The following ACOT11 variants were observed in gnomAD, a reference collection of about 807,000 sequenced individuals.
ACOT11 encodes acyl-CoA thioesterase 11, also known as acyl-coenzyme A thioesterase 11.
A neutral mutation model predicts 77.5 loss-of-function variants in ACOT11; 69 were observed. The observed-to-expected ratio is 0.89, with a 90% CI of 0.73 to 1.09. The LOEUF (loss-of-function observed/expected upper bound fraction) is 1.09, where lower values mean the gene tolerates loss of function less well. ACOT11 is among the 50% of genes least tolerant of loss of function. The pLI, the probability that ACOT11 is intolerant of heterozygous loss-of-function variation, is 0.00. For missense variants in ACOT11, 766 were observed against 813.7 expected, an observed-to-expected ratio of 0.94 and a Z score of 0.71; for synonymous variants, 279 against 313.0, an observed-to-expected ratio of 0.89 and a Z score of 1.15.
downstream of ACOT11, chr1:54,612,618 T>G: frequency 6.2e-7 from 1 of 1,614,108 alleles, no homozygotes; most frequent in Non-Finnish European, 8.5e-7. Context: ...GGCTTGGGTG[T>G]ACGTCCTGTT....
chr1:54,604,640 C>A (rs1456523921), intron 12 of ACOT11, among the ~76,000 whole-genome samples: 1 of 152,150 alleles, frequency 6.6e-6, no homozygotes, highest in East Asian at 1.9e-4. Flanking sequence ...CCTGCCTGCC[C>A]CCCTTCCTGT....
downstream of ACOT11, chr1:54,610,599 A>G (rs2101013552): frequency 1.3e-6 from 2 of 1,594,852 alleles, no homozygotes; most frequent in Non-Finnish European, 1.7e-6. Flanking sequence ...TGCCATTCAC[A>G]GAACACCTTA....
intron 15 of ACOT11, among the ~76,000 whole-genome samples, chr1:54,628,805 A>C (rs1300921866): frequency 7.5e-6 from 1 of 133,264 alleles, no homozygotes; most frequent in African/African-American, 2.6e-5. Flanking sequence ...CATGCCTGTA[A>C]TCCCAACACT....
chr1:54,572,375 A>G (rs575255320), intron 1 of ACOT11, among the ~76,000 whole-genome samples: 2 of 152,184 alleles, frequency 1.3e-5, no homozygotes, highest in East Asian at 3.9e-4. Context: ...ACCTGTTGCC[A>G]TGGTGACCCA....
intron 9 of ACOT11, among the ~76,000 whole-genome samples, chr1:54,601,935 C>G (rs374199062): frequency 7.2e-5 from 11 of 152,352 alleles, no homozygotes; most frequent in Admixed American, 5.2e-4. Context: ...AAGGTCCTCT[C>G]TTACAAAATG....
At chr1:54,576,557 G>GT (rs1460569811) in intron 1 of ACOT11, among the ~76,000 whole-genome samples, 7 of 120,304 alleles carry the variant, frequency 5.8e-5, no homozygotes, top group Non-Finnish European at 1.5e-5. Flanking sequence ...AAACCTTGAG[G>GT]TTTTTTTAAT....
intron 1 of ACOT11, among the ~76,000 whole-genome samples, chr1:54,570,806 G>A (rs12091809): frequency 0.011 from 1,625 of 151,984 alleles, 23 homozygotes; most frequent in African/African-American, 0.037. Context: ...TCAGCCTACC[G>A]AGTAGCTGGG....
chr1:54,611,799 C>T (rs1569781954), downstream of ACOT11: 3 of 1,606,154 alleles, frequency 1.9e-6, no homozygotes, highest in African/African-American at 1.3e-5. Flanking sequence ...AGACCCTCAG[C>T]CCCACTCCTG....
chr1:54,572,660 G>T (rs1653965837), intron 1 of ACOT11, among the ~76,000 whole-genome samples: 1 of 152,254 alleles, frequency 6.6e-6, no homozygotes, highest in African/African-American at 2.4e-5. Context: ...CACTTTTGTG[G>T]TCTGCTGGAG....
intron 1 of ACOT11, among the ~76,000 whole-genome samples, chr1:54,555,062 G>C (rs1419464733): frequency 6.6e-6 from 1 of 152,138 alleles, no homozygotes; most frequent in Non-Finnish European, 1.5e-5. Flanking sequence ...GGGTTCAAGT[G>C]ATTCTCCTGC....
chr1:54,568,721 A>T (rs1653830146), intron 1 of ACOT11, among the ~76,000 whole-genome samples: 1 of 151,912 alleles, frequency 6.6e-6, no homozygotes, highest in South Asian at 2.1e-4. Flanking sequence ...ACTGAACTTC[A>T]TGGGAGTTTT....
Position 54,600,688 on chromosome 1 carries a change from A to G in ACOT11, c.885-581A>G, listed in dbSNP as rs138062264. Among the ~76,000 whole-genome samples, 441 of 152,318 alleles carry G rather than the reference A, an allele frequency of 2.9e-3. 4 individuals carry two copies. Among genetic ancestry groups the G allele is most frequent in the African/African-American group, 0.01 (430 of 41,560 alleles). ...ACAGAATGAGACTGTCTCAAAAAATAAATAAAGGAATAAAGAAATAAAGAC... is the reference window on the plus strand; with the variant it reads ...ACAGAATGAGACTGTCTCAAAAAATGAATAAAGGAATAAAGAAATAAAGAC... On this transcript the variant is annotated intron_variant, in intron 8 of 15. Transcript: ENST00000343744.
chr1:54,616,859 C>A (rs1644178634), intron 15 of ACOT11, among the ~76,000 whole-genome samples: 1 of 152,142 alleles, frequency 6.6e-6, no homozygotes, highest in Admixed American at 6.5e-5. Context: ...CATCCCCCAT[C>A]CCTGAGATGC....
intron 8 of ACOT11, 126 bp from the exon 9 acceptor site, chr1:54,601,143 G>A (rs1229603293): frequency 3.9e-5 from 43 of 1,090,094 alleles, no homozygotes; most frequent in East Asian, 7.3e-5. Context: ...GTGCATACGT[G>A]TGTGTGTGTG....
At chr1:54,610,390 G>A (rs746927156), downstream of ACOT11, 33 of 1,609,032 alleles carry the variant, frequency 2.1e-5, no homozygotes, top group Admixed American at 3.4e-5. Context: ...TGGGAGCACC[G>A]GGGCTGAAGG....
intron 15 of ACOT11, among the ~76,000 whole-genome samples, chr1:54,621,139 T>C (rs957926569): frequency 6.8e-6 from 1 of 146,226 alleles, no homozygotes; most frequent in Non-Finnish European, 1.5e-5. Context: ...CCATCCTGGG[T>C]GACACAGTGA....
chr1:54,609,097 C>G lies in ACOT11; in HGVS notation c.1770C>G (p.Ser590Arg). ...ACAACCGGAATGATCTGGCCCCCAGCCTCCAGACCCTCTAGATGCCCTCAG... is the reference window on the plus strand; with the variant it reads ...ACAACCGGAATGATCTGGCCCCCAGGCTCCAGACCCTCTAGATGCCCTCAG... ...LLDNRNDLAP[S>R]LQTL is the part of the protein sequence containing the mutation. Residue 590 changes from serine to arginine, a missense_variant, in exon 16 of 16, where the codon AGC (serine) becomes AGG (arginine). Ser to Arg is a moderately radical substitution (Grantham distance 110). Coordinates refer to ENST00000343744, the MANE Select transcript of ACOT11 (RefSeq NM_147161.4). 6.2e-7 allele frequency: 1 copy of G among 1,614,144 alleles called. No homozygotes were observed. The highest frequency in any genetic ancestry group is 8.5e-7 in the Non-Finnish European group (1 of 1,180,020).
intron 1 of ACOT11, among the ~76,000 whole-genome samples, chr1:54,553,235 G>T (rs1653134577): frequency 6.6e-6 from 1 of 151,118 alleles, no homozygotes; most frequent in Non-Finnish European, 1.5e-5. Context: ...TTTTTAATGG[G>T]CCAGGCATGG....
intron 1 of ACOT11, among the ~76,000 whole-genome samples, chr1:54,561,181 T>C (rs1271605474): frequency 7.1e-6 from 1 of 141,328 alleles, no homozygotes; most frequent in Admixed American, 7.2e-5. Context: ...GGGACAATAG[T>C]GGAGGGAAGG....
Sources: allele counts gnomAD v4.1 joint callset (sites outside exome capture counted in the v4.1 genomes callset), GRCh38; gene constraint gnomAD v4.1.1; transcripts MANE v1.5; gene names NCBI Gene and HGNC (gene_info 2026-07-23, HGNC 2026-07-21).